NYAP2: variants seen among roughly 807,000 people sequenced by gnomAD.
NYAP2 encodes neuronal tyrosine-phosphorylated phosphoinositide-3-kinase adaptor 2.
In NYAP2, 23 loss-of-function variants were observed where a neutral mutation model predicts 50.4. That is an observed-to-expected ratio of 0.46 (90% confidence interval 0.33 to 0.65). The LOEUF (loss-of-function observed/expected upper bound fraction) is 0.65. Ranked by LOEUF, NYAP2 falls within the 30% of genes least tolerant of loss-of-function variation. The pLI is 0.02. For missense variants in NYAP2, 885 were observed against 861.0 expected, an observed-to-expected ratio of 1.03 and a Z score of -0.35; for synonymous variants, 394 against 365.2, an observed-to-expected ratio of 1.08 and a Z score of -0.90.
chr2:225,509,866 C>G (rs1427045620), intron 3 of NYAP2, among the ~76,000 whole-genome samples: 1 of 152,144 alleles, frequency 6.6e-6, no homozygotes, highest in Non-Finnish European at 1.5e-5. Context: ...CCTACCTGTA[C>G]AAGGAATATG....
chr2:225,641,216 G>A (rs1693523874), intron 6 of NYAP2, among the ~76,000 whole-genome samples: 2 of 152,096 alleles, frequency 1.3e-5, no homozygotes, highest in Non-Finnish European at 2.9e-5. Context: ...GCCCTGTGGA[G>A]ATGCTGCACC....
the NYAP2 span, among the ~76,000 whole-genome samples, chr2:225,667,067 TTAGA>T: frequency 6.6e-6 from 1 of 152,094 alleles, no homozygotes; most frequent in Non-Finnish European, 1.5e-5. Context: ...TCCAGACCCG[TTAGA>T]TAGGAATTTG....
chr2:225,580,488 A>G (rs1229028015), intron 4 of NYAP2, among the ~76,000 whole-genome samples: 3 of 152,178 alleles, frequency 2.0e-5, no homozygotes, highest in Non-Finnish European at 4.4e-5. Flanking sequence ...TCTACCCAGT[A>G]TGGGTTAATG....
At chr2:225,655,300 A>T (rs566919439), downstream of NYAP2, among the ~76,000 whole-genome samples, 4 of 152,324 alleles carry the variant, frequency 2.6e-5, no homozygotes, top group Admixed American at 1.3e-4. Flanking sequence ...GTTAAAAATA[A>T]GATTTTATTT....
intron 3 of NYAP2, among the ~76,000 whole-genome samples, chr2:225,413,109 C>A (rs1267346694): frequency 6.6e-6 from 1 of 152,128 alleles, no homozygotes; most frequent in Non-Finnish European, 1.5e-5. Context: ...CCTCCCCCAA[C>A]ATATTTTTCT....
intron 3 of NYAP2, among the ~76,000 whole-genome samples, chr2:225,446,246 C>CTCTCTCTCTCTCTCTCTCTA (rs1239402824): frequency 1.2e-5 from 1 of 82,280 alleles, no homozygotes; most frequent in African/African-American, 5.9e-5. Context: ...CTCTCTCTCT[C>CTCTCTCTCTCTCTCTCTCTA]TATATATATA....
intron 4 of NYAP2, among the ~76,000 whole-genome samples, chr2:225,543,827 G>A (rs7561372): frequency 0.21 from 32,533 of 151,838 alleles, 3,472 homozygotes; most frequent in African/African-American, 0.23. Flanking sequence ...TTCCGTCTGG[G>A]AGATCTGTCC....
chr2:225,661,514 T>C, the NYAP2 span, among the ~76,000 whole-genome samples: 2 of 152,236 alleles, frequency 1.3e-5, no homozygotes, highest in Non-Finnish European at 2.9e-5. Context: ...TCTAATGTTG[T>C]TCTTACAGCA....
At chr2:225,661,726 C>CTTT in the NYAP2 span, among the ~76,000 whole-genome samples, 6 of 145,160 alleles carry the variant, frequency 4.1e-5, no homozygotes, top group Non-Finnish European at 9.0e-5. Context: ...TTTGCTCTCT[C>CTTT]TTTTTTTTTT....
chr2:225,402,163 A>T (rs1694874400), intron 2 of NYAP2, among the ~76,000 whole-genome samples: 1 of 152,054 alleles, frequency 6.6e-6, no homozygotes, highest in East Asian at 1.9e-4. Flanking sequence ...TAGACAGTTT[A>T]GAGAATTAGT....
intron 4 of NYAP2, among the ~76,000 whole-genome samples, chr2:225,571,466 C>T (rs927813991): frequency 1.3e-5 from 2 of 152,214 alleles, no homozygotes; most frequent in Non-Finnish European, 2.9e-5. Context: ...ATTCCCAAAC[C>T]CCAACTCTCG....
At chr2:225,423,315 A>C (rs1695242956) in intron 3 of NYAP2, among the ~76,000 whole-genome samples, 1 of 152,230 alleles carries the variant, frequency 6.6e-6, no homozygotes, top group Non-Finnish European at 1.5e-5. Context: ...TGTGACTTAG[A>C]ATTCTAAAAG....
chr2:225,417,058 A>G (rs1035508509), intron 3 of NYAP2, among the ~76,000 whole-genome samples: 2 of 152,130 alleles, frequency 1.3e-5, no homozygotes, highest in African/African-American at 4.8e-5. Context: ...TCTATTTTTT[A>G]TATTCTTCAA....
intron 6 of NYAP2, among the ~76,000 whole-genome samples, chr2:225,629,847 C>T (rs1693277810): frequency 6.6e-6 from 1 of 152,128 alleles, no homozygotes; most frequent in South Asian, 2.1e-4. Flanking sequence ...CAGACCCCTC[C>T]CACTAGGCCC....
chr2:225,455,032 G>T (rs1689718344), intron 3 of NYAP2, among the ~76,000 whole-genome samples: 1 of 152,090 alleles, frequency 6.6e-6, no homozygotes, highest in African/African-American at 2.4e-5. Context: ...ACTGGCAACT[G>T]AAGAGGAAGT....
At chr2:225,518,457 T>C (rs1017973868) in intron 4 of NYAP2, among the ~76,000 whole-genome samples, 1 of 145,646 alleles carries the variant, frequency 6.9e-6, no homozygotes, top group African/African-American at 2.5e-5. Context: ...AATAACAACA[T>C]ATTGTATTGA....
the NYAP2 span, among the ~76,000 whole-genome samples, chr2:225,692,870 T>C: frequency 7.5e-3 from 991 of 132,852 alleles, 10 homozygotes; most frequent in African/African-American, 0.023. Flanking sequence ...TCTTTAAACA[T>C]ACACACACAC....
At chr2:225,513,163 A>G (rs1462455225) in intron 3 of NYAP2, among the ~76,000 whole-genome samples, 5 of 152,224 alleles carry the variant, frequency 3.3e-5, no homozygotes, top group African/African-American at 1.2e-4. Flanking sequence ...TGTTCTATGC[A>G]GTATTTTTTC....
chr2:225,555,648 C>T (rs1346731625), intron 4 of NYAP2, among the ~76,000 whole-genome samples: 2 of 152,136 alleles, frequency 1.3e-5, no homozygotes, highest in South Asian at 2.1e-4. Flanking sequence ...AGTAGGCTTT[C>T]CTGAACACAC....
Sources: allele counts gnomAD v4.1 joint callset (sites outside exome capture counted in the v4.1 genomes callset), GRCh38; gene constraint gnomAD v4.1.1; transcripts MANE v1.5; gene names NCBI Gene and HGNC (gene_info 2026-07-23, HGNC 2026-07-21).